FREM2: variants seen among roughly 807,000 people sequenced by gnomAD.
FREM2 encodes the protein FRAS1-related extracellular matrix protein 2.
FREM2 carries 119 observed loss-of-function variants against 219.9 expected under a neutral mutation model. The observed-to-expected ratio is 0.54, with a 90% confidence interval of 0.47 to 0.63. FREM2 has a LOEUF of 0.63. Among genes scored for constraint, FREM2 ranks in the 30% least tolerant of loss-of-function variants. FREM2 has a pLI of 0.00. For missense variants in FREM2, 4,030 were observed against 3,993.6 expected (o/e 1.01, Z -0.25); for synonymous variants, 1,562 against 1,522.8 (o/e 1.03, Z -0.60).
chr13:38,844,174 A>T lies in FREM2; in HGVS notation c.6020-2399A>T, dbSNP rs553855362. On this transcript the variant is annotated intron_variant, in intron 6 of 23. Transcript: ENST00000280481. ...GTCTCCCTCCTTCTTTCTACAGGAG[A>T]TAACAATATATTATGCAATAGGCAA... Among the ~76,000 whole-genome samples the T allele has an allele frequency of 7.2e-5, 11 of 152,288 alleles. No homozygotes were observed. In the South Asian group the frequency reaches 2.3e-3, roughly 32 times the overall value.
intron 10 of FREM2, 74 bp downstream of exon 10, chr13:38,851,182 C>A (rs1329883019): frequency 7.3e-6 from 11 of 1,509,362 alleles, no homozygotes; most frequent in Non-Finnish European, 1.0e-5. Context: ...TTTTAAGTGA[C>A]TCAGAAAAAT....
chr13:38,826,446 G>A (rs572452452), intron 6 of FREM2, among the ~76,000 whole-genome samples: 22 of 151,972 alleles, frequency 1.4e-4, no homozygotes, highest in African/African-American at 5.1e-4. Flanking sequence ...TGCTAATATA[G>A]AGTAACACAA....
intron 18 of FREM2, 115 bp from the exon 19 acceptor site, chr13:38,875,907 C>T (rs186268299): frequency 3.9e-5 from 40 of 1,020,934 alleles, no homozygotes; most frequent in Admixed American, 6.8e-5. Context: ...TTGCAGCCTT[C>T]TTATAAAAAC....
At chr13:38,804,901 A>G (rs9576614) in intron 6 of FREM2, among the ~76,000 whole-genome samples, 23,537 of 151,910 alleles carry the variant, frequency 0.15, 2,155 homozygotes, top group East Asian at 0.28. Flanking sequence ...AATTTTTGCA[A>G]TTTTCCAGCC....
intron 2 of FREM2, among the ~76,000 whole-genome samples, chr13:38,733,314 G>GTT (rs11367311): frequency 6.8e-6 from 1 of 146,104 alleles, no homozygotes; most frequent in Admixed American, 6.8e-5. Flanking sequence ...GGAGCCAGTG[G>GTT]TTTTTTTTTT....
chr13:38,710,966 A>G (rs1870747077), intron 2 of FREM2, among the ~76,000 whole-genome samples: 1 of 152,234 alleles, frequency 6.6e-6, no homozygotes, highest in Non-Finnish European at 1.5e-5. Flanking sequence ...TTTATAAATG[A>G]AATTGCTGTC....
chr13:38,729,721 C>T (rs771651903), intron 2 of FREM2, among the ~76,000 whole-genome samples: 2 of 152,072 alleles, frequency 1.3e-5, no homozygotes, highest in African/African-American at 2.4e-5. Context: ...ATGTGGGCTC[C>T]GTTATATCTA....
chr13:38,761,978 A>G (rs1000554393), intron 2 of FREM2, among the ~76,000 whole-genome samples: 1 of 152,158 alleles, frequency 6.6e-6, no homozygotes, highest in African/African-American at 2.4e-5. Context: ...AAGAGGGGCA[A>G]AGGAGAAAGG....
intron 6 of FREM2, among the ~76,000 whole-genome samples, chr13:38,822,881 C>T (rs1036009664): frequency 6.7e-6 from 1 of 149,348 alleles, no homozygotes; most frequent in East Asian, 2.0e-4. Context: ...TTCATCAAAC[C>T]CTGTGATGTA....
intron 6 of FREM2, among the ~76,000 whole-genome samples, chr13:38,794,570 A>G (rs1874693937): frequency 6.6e-6 from 1 of 152,044 alleles, no homozygotes; most frequent in Admixed American, 6.6e-5. Context: ...TTATCTTACT[A>G]GCTTTTTGGT....
intron 2 of FREM2, among the ~76,000 whole-genome samples, chr13:38,735,628 C>T (rs1036269441): frequency 6.6e-6 from 1 of 152,020 alleles, no homozygotes; most frequent in Admixed American, 6.6e-5. Context: ...CTTAAAAAAA[C>T]GTAAATGGTT....
intron 6 of FREM2, among the ~76,000 whole-genome samples, chr13:38,789,381 C>A (rs1029440876): frequency 1.3e-5 from 2 of 151,590 alleles, no homozygotes; most frequent in Admixed American, 6.6e-5. Flanking sequence ...TCATAAAATT[C>A]TTAAAAGTCT....
At chr13:38,754,888 TGA>T (rs1566129659) in intron 2 of FREM2, among the ~76,000 whole-genome samples, 84 of 110,154 alleles carry the variant, frequency 7.6e-4, no homozygotes, top group Middle Eastern at 4.2e-3. Flanking sequence ...ATGATGATGA[TGA>T]TGATGATGAT....
In FREM2 at chr13:38,723,690, A is replaced by G. The variant is rs141784608; in HGVS notation, c.5263+25903A>G. Among the ~76,000 whole-genome samples the G allele has an allele frequency of 7.2e-5, 11 of 152,330 alleles. No individual in the cohort carries two copies. In the East Asian group the frequency reaches 1.5e-3, roughly 21 times the overall value. On this transcript the variant is annotated intron_variant, in intron 2 of 23. Coordinates refer to ENST00000280481, the MANE Select transcript of FREM2 (RefSeq NM_207361.6). The stretch of plus-strand genomic sequence containing the variant: ...TGATTCCTAATGCCCTGAAGCATGC[A>G]TTGTATGAAACAAATTTACTTCATG...
intron 6 of FREM2, among the ~76,000 whole-genome samples, chr13:38,812,800 T>C (rs1875544955): frequency 6.6e-6 from 1 of 151,776 alleles, no homozygotes; most frequent in African/African-American, 2.4e-5. Flanking sequence ...GGAGGATCGC[T>C]TGAGCCCGGG....
chr13:38,829,357 A>G (rs1876419740), intron 6 of FREM2, among the ~76,000 whole-genome samples: 1 of 152,140 alleles, frequency 6.6e-6, no homozygotes. Context: ...TTCTCCAGAA[A>G]TGAGGCCCTT....
At chr13:38,768,353 C>G (rs1199111808) in intron 3 of FREM2, among the ~76,000 whole-genome samples, 17 of 152,120 alleles carry the variant, frequency 1.1e-4, no homozygotes, top group Admixed American at 1.1e-3. Flanking sequence ...AATCACAACT[C>G]ACTACAGTCT....
At chr13:38,697,673 A>G (rs752490709) in intron 1 of FREM2, 25 bp from the exon 2 acceptor site, 7 of 1,307,466 alleles carry the variant, frequency 5.4e-6, no homozygotes, top group Non-Finnish European at 2.2e-6. Flanking sequence ...GTAATTAATC[A>G]TCTTGTTTTT....
intron 6 of FREM2, among the ~76,000 whole-genome samples, chr13:38,801,633 C>T (rs1354305210): frequency 1.3e-5 from 2 of 151,926 alleles, no homozygotes; most frequent in African/African-American, 2.4e-5. Context: ...TTCTCTGTGG[C>T]CTAGGGTATC....
Sources: allele counts gnomAD v4.1 joint callset (sites outside exome capture counted in the v4.1 genomes callset), GRCh38; gene constraint gnomAD v4.1.1; transcripts MANE v1.5; gene names NCBI Gene and HGNC (gene_info 2026-07-23, HGNC 2026-07-21).